Variants in ZDHHC14 observed in about 807,000 individuals in gnomAD.
ZDHHC14 encodes zDHHC palmitoyltransferase 14, also known as palmitoyltransferase ZDHHC14.
Under a neutral mutation model 47.7 loss-of-function variants are expected in ZDHHC14, and 16 were observed. The ratio of observed to expected loss-of-function variants is 0.34; its 90% confidence interval spans 0.23 to 0.51. ZDHHC14 has a LOEUF of 0.51. ZDHHC14 is among the 20% of genes least tolerant of loss of function. The pLI is 0.97. For synonymous variants in ZDHHC14, 293 were observed against 278.9 expected, an observed-to-expected ratio of 1.05 and a Z score of -0.50; for missense variants, 515 against 662.5, an observed-to-expected ratio of 0.78 and a Z score of 2.44.
At chr6:157,630,171 G>C (rs980239848) in intron 4 of ZDHHC14, 4 of 151,946 alleles carry the variant, frequency 2.6e-5, no homozygotes, top group African/African-American at 9.7e-5. Context: ...GTAGAGATAG[G>C]GTTTCACCAT....
intron 1 of ZDHHC14, among the ~76,000 whole-genome samples, chr6:157,461,491 C>T (rs1316911785): frequency 2.6e-5 from 4 of 152,280 alleles, no homozygotes; most frequent in East Asian, 1.9e-4. Context: ...CAGTCCGTTA[C>T]GGCCCAGCCC....
chr6:157,524,418 G>A (rs1057421091), intron 1 of ZDHHC14, among the ~76,000 whole-genome samples: 4 of 152,170 alleles, frequency 2.6e-5, no homozygotes, highest in African/African-American at 9.7e-5. Flanking sequence ...ATAGGCGTGA[G>A]CCACCACACC....
intron 3 of ZDHHC14, among the ~76,000 whole-genome samples, chr6:157,596,843 A>G (rs988340334): frequency 6.6e-6 from 1 of 152,210 alleles, no homozygotes; most frequent in African/African-American, 2.4e-5. Flanking sequence ...TGATGGTCTC[A>G]TCAGTGATGG....
chr6:157,671,494 G>C (rs1669957146), intron 8 of ZDHHC14, among the ~76,000 whole-genome samples: 1 of 152,218 alleles, frequency 6.6e-6, no homozygotes, highest in Admixed American at 6.5e-5. Flanking sequence ...TCACTGAGAA[G>C]GTACCGCACA....
chr6:157,453,788 T>TTTTTTTTTTTGTGTGTGTGTGTGTG (rs3220439), intron 1 of ZDHHC14, among the ~76,000 whole-genome samples: 3 of 148,098 alleles, frequency 2.0e-5, no homozygotes, highest in African/African-American at 7.6e-5. Flanking sequence ...TTTTTGTGTT[T>TTTTTTTTTTTGTGTGTGTGTGTGTG]TGTGTGTGTG....
chr6:157,544,139 G>A (rs1182581452), intron 2 of ZDHHC14, among the ~76,000 whole-genome samples: 1 of 152,180 alleles, frequency 6.6e-6, no homozygotes, highest in East Asian at 1.9e-4. Flanking sequence ...ATATCATTGA[G>A]GAGAGAGAGG....
intron 7 of ZDHHC14, 79 bp from the exon 8 acceptor site, chr6:157,653,446 C>T (rs944873206): frequency 1.4e-5 from 21 of 1,486,198 alleles, no homozygotes; most frequent in East Asian, 6.9e-5. Flanking sequence ...GGAGCCCCGA[C>T]GCGGAACCTG....
intron 1 of ZDHHC14, among the ~76,000 whole-genome samples, chr6:157,451,587 G>T (rs1043256722): frequency 1.3e-5 from 2 of 152,200 alleles, no homozygotes; most frequent in African/African-American, 4.8e-5. Context: ...TTGAGACAGA[G>T]TCTTGCTCTG....
chr6:157,434,789 G>A (rs1472309033), intron 1 of ZDHHC14, among the ~76,000 whole-genome samples: 1 of 152,150 alleles, frequency 6.6e-6, no homozygotes, highest in African/African-American at 2.4e-5. Context: ...CTGTCAGTTA[G>A]ACTGTCTGTG....
At chr6:157,435,646 C>T (rs1778426408) in intron 1 of ZDHHC14, among the ~76,000 whole-genome samples, 1 of 152,020 alleles carries the variant, frequency 6.6e-6, no homozygotes, top group Non-Finnish European at 1.5e-5. Flanking sequence ...CTCAAGTGAT[C>T]CTCCTGCCTC....
At chr6:157,606,355 A>G (rs143000586) in intron 3 of ZDHHC14, among the ~76,000 whole-genome samples, 10,427 of 152,144 alleles carry the variant, frequency 0.069, 427 homozygotes, top group Middle Eastern at 0.16. Context: ...AATCCCAGCT[A>G]CTCTGGAGGC....
At chr6:157,622,128 T>C (rs1003638216) in intron 3 of ZDHHC14, among the ~76,000 whole-genome samples, 4 of 149,396 alleles carry the variant, frequency 2.7e-5, no homozygotes, top group African/African-American at 9.9e-5. Flanking sequence ...CCCAGCACTT[T>C]GGGAGGCTGA....
At chr6:157,495,687 C>T (rs142448425) in intron 1 of ZDHHC14, among the ~76,000 whole-genome samples, 32 of 132,008 alleles carry the variant, frequency 2.4e-4, no homozygotes, top group East Asian at 1.6e-3. Flanking sequence ...TTGAGAAGTT[C>T]GGGTTGAATT....
chr6:157,597,889 G>A (rs1166398678), intron 3 of ZDHHC14, among the ~76,000 whole-genome samples: 1 of 152,238 alleles, frequency 6.6e-6, no homozygotes, highest in Non-Finnish European at 1.5e-5. Context: ...GCCCTCTGCA[G>A]GGACTCAGTG....
At chr6:157,399,491 C>G (rs1437856527) in intron 1 of ZDHHC14, among the ~76,000 whole-genome samples, 1 of 152,182 alleles carries the variant, frequency 6.6e-6, no homozygotes, top group Non-Finnish European at 1.5e-5. Flanking sequence ...ATAATTTGTG[C>G]CTTTTTGCTC....
intron 1 of ZDHHC14, among the ~76,000 whole-genome samples, chr6:157,499,478 A>AACCCC (rs1397975021): frequency 7.1e-6 from 1 of 141,526 alleles, no homozygotes; most frequent in Non-Finnish European, 1.6e-5. Flanking sequence ...CACCTCTCAA[A>AACCCC]GCCCCCCACC....
At position 157,478,908 on chromosome 6, in the gene ZDHHC14, C is replaced by T. The variant is rs913375258; in HGVS notation, c.246-63677C>T. On this transcript the variant is annotated intron_variant, in intron 1 of 8. Transcript: ENST00000359775. ...CAGTGAAGAGAGTGTGTATGTTAAA[C>T]CATGAATTACATGAAGCCTCTAGCA... is the stretch of plus-strand genomic sequence containing the variant. Among the ~76,000 whole-genome samples the T allele has an allele frequency of 3.9e-5, 6 of 152,192 alleles. No homozygotes were observed. The South Asian group carries it at 6.2e-4, about 16-fold the overall frequency.
intron 2 of ZDHHC14, among the ~76,000 whole-genome samples, chr6:157,553,235 C>A (rs1241953845): frequency 6.6e-6 from 1 of 152,080 alleles, no homozygotes; most frequent in Non-Finnish European, 1.5e-5. Context: ...GGATGAGGAG[C>A]CCCATTGAGT....
At chr6:157,662,024 C>T (rs1778362940) in intron 8 of ZDHHC14, among the ~76,000 whole-genome samples, 1 of 151,608 alleles carries the variant, frequency 6.6e-6, no homozygotes, top group Non-Finnish European at 1.5e-5. Context: ...AAGCCAGGAC[C>T]CCAAATCAGA....
Sources: allele counts gnomAD v4.1 joint callset (sites outside exome capture counted in the v4.1 genomes callset), GRCh38; gene constraint gnomAD v4.1.1; transcripts MANE v1.5; gene names NCBI Gene and HGNC (gene_info 2026-07-23, HGNC 2026-07-21).